Variants in KCNAB1 observed in about 807,000 individuals in gnomAD.
The protein encoded by KCNAB1 is potassium voltage-gated channel subfamily A regulatory beta subunit 1.
A neutral mutation model predicts 64.6 loss-of-function variants in KCNAB1; 35 were observed. The observed-to-expected ratio is 0.54, with a 90% confidence interval of 0.41 to 0.72. KCNAB1 has a LOEUF of 0.72. Among genes scored for constraint, KCNAB1 ranks in the 30% least tolerant of loss-of-function variants. The pLI, the probability that KCNAB1 is intolerant of heterozygous loss-of-function variation, is 0.00. For synonymous variants in KCNAB1, 177 were observed against 183.8 expected (o/e 0.96, Z 0.30); for missense variants, 401 against 512.9 (o/e 0.78, Z 2.11).
At chr3:156,498,163 A>G (rs1716132667) in intron 8 of KCNAB1, among the ~76,000 whole-genome samples, 1 of 152,174 alleles carries the variant, frequency 6.6e-6, no homozygotes, top group South Asian at 2.1e-4. Flanking sequence ...AGTGCCCCCA[A>G]AGAAACCAGC....
intron 1 of KCNAB1, among the ~76,000 whole-genome samples, chr3:156,379,383 T>G (rs1277587400): frequency 6.6e-6 from 1 of 152,204 alleles, no homozygotes; most frequent in African/African-American, 2.4e-5. Flanking sequence ...TGTTAAGTGC[T>G]ATACATAAAG....
At chr3:156,484,911 A>G (rs550587887) in intron 8 of KCNAB1, among the ~76,000 whole-genome samples, 1 of 152,258 alleles carries the variant, frequency 6.6e-6, no homozygotes, top group African/African-American at 2.4e-5. Context: ...TCTTAGGTAT[A>G]TAAACTTGGC....
chr3:156,346,629 G>C (rs1006258885), intron 1 of KCNAB1, among the ~76,000 whole-genome samples: 4 of 152,156 alleles, frequency 2.6e-5, no homozygotes, highest in Non-Finnish European at 5.9e-5. Context: ...TAAAAAACAA[G>C]TATCATAAGC....
chr3:156,299,696 A>C (rs1054886489), intron 1 of KCNAB1, among the ~76,000 whole-genome samples: 2 of 152,194 alleles, frequency 1.3e-5, no homozygotes, highest in African/African-American at 4.8e-5. Flanking sequence ...ATTGGAAACC[A>C]AAACAGAAGC....
chr3:156,379,852 C>T (rs781508510), intron 1 of KCNAB1, among the ~76,000 whole-genome samples: 7 of 152,100 alleles, frequency 4.6e-5, no homozygotes, highest in Admixed American at 6.5e-5. Context: ...GAGGTGGTGG[C>T]AGTAGAAGTG....
At chr3:156,515,677 G>A (rs1016571470) in intron 10 of KCNAB1, among the ~76,000 whole-genome samples, 1 of 152,142 alleles carries the variant, frequency 6.6e-6, no homozygotes, top group South Asian at 2.1e-4. Context: ...ATACATTTGT[G>A]CAGATAGAAC....
intron 1 of KCNAB1, among the ~76,000 whole-genome samples, chr3:156,239,891 G>T (rs1040682900): frequency 5.9e-5 from 9 of 151,950 alleles, no homozygotes; most frequent in African/African-American, 2.2e-4. Flanking sequence ...CTTAGAAAAG[G>T]GATTAAAAAC....
At chr3:156,326,047 G>A (rs1209282034) in intron 1 of KCNAB1, among the ~76,000 whole-genome samples, 1 of 152,100 alleles carries the variant, frequency 6.6e-6, no homozygotes, top group Non-Finnish European at 1.5e-5. Context: ...GGCAGCTCTA[G>A]AAACTTCAGA....
At chr3:156,492,420 C>A (rs954081091) in intron 8 of KCNAB1, among the ~76,000 whole-genome samples, 2 of 152,048 alleles carry the variant, frequency 1.3e-5, no homozygotes, top group African/African-American at 4.8e-5. Context: ...AAGCTGGCAG[C>A]TTTCATTCCA....
At chr3:156,198,373 A>G (rs1714095153) in intron 1 of KCNAB1, among the ~76,000 whole-genome samples, 1 of 152,106 alleles carries the variant, frequency 6.6e-6, no homozygotes, top group Non-Finnish European at 1.5e-5. Context: ...GATCTGTCCA[A>G]TATTGACAGT....
At chr3:156,366,966 G>A (rs902471095) in intron 1 of KCNAB1, among the ~76,000 whole-genome samples, 6 of 152,118 alleles carry the variant, frequency 3.9e-5, no homozygotes, top group African/African-American at 1.4e-4. Flanking sequence ...ACCTGGTCCC[G>A]GGACTATTGC....
At chr3:156,327,483 T>A (rs1723039689) in intron 1 of KCNAB1, among the ~76,000 whole-genome samples, 1 of 152,178 alleles carries the variant, frequency 6.6e-6, no homozygotes, top group South Asian at 2.1e-4. Context: ...AAGTTAGATA[T>A]ACCATTAATT....
upstream of KCNAB1, among the ~76,000 whole-genome samples, chr3:156,120,320 C>A (rs948984762): frequency 6.6e-6 from 1 of 152,152 alleles, no homozygotes; most frequent in Non-Finnish European, 1.5e-5. Flanking sequence ...CCTAACTTTG[C>A]GGAAGAAACA....
intron 1 of KCNAB1, among the ~76,000 whole-genome samples, chr3:156,282,873 A>G (rs1422465995): frequency 2.0e-5 from 3 of 151,418 alleles, no homozygotes; most frequent in African/African-American, 7.3e-5. Context: ...TGCACGTGAG[A>G]TGGGTTTCCT....
chr3:156,536,563 T>G, intron 13 of KCNAB1, 95 bp from the exon 14 acceptor site: 1 of 839,108 alleles, frequency 1.2e-6, no homozygotes, highest in Non-Finnish European at 2.1e-6. Flanking sequence ...TATGAAGATA[T>G]ATGATTCTAG....
intron 6 of KCNAB1, 140 bp from the exon 7 acceptor site, chr3:156,465,503 A>C: frequency 1.5e-6 from 1 of 670,546 alleles, no homozygotes; most frequent in South Asian, 1.8e-5. Context: ...GTTGCCCACC[A>C]GACTTCTCTC....
chr3:156,239,584 C>T (rs1000620466), intron 1 of KCNAB1, among the ~76,000 whole-genome samples: 14 of 152,300 alleles, frequency 9.2e-5, no homozygotes, highest in South Asian at 2.1e-4. Context: ...TGGCTTTCAG[C>T]GCTGGGGCCT....
At chr3:156,351,235 G>A (rs541034786) in intron 1 of KCNAB1, among the ~76,000 whole-genome samples, 27 of 152,360 alleles carry the variant, frequency 1.8e-4, no homozygotes, top group African/African-American at 6.3e-4. Context: ...GGGCAGGTAA[G>A]CAAAGAAATC....
chr3:156,286,536 G>C (rs184426476), intron 1 of KCNAB1, among the ~76,000 whole-genome samples: 93 of 152,292 alleles, frequency 6.1e-4, no homozygotes, highest in Admixed American at 5.4e-3. Context: ...GTTTGGTTCT[G>C]ACTTTACTGG....
Sources: allele counts gnomAD v4.1 joint callset (sites outside exome capture counted in the v4.1 genomes callset), GRCh38; gene constraint gnomAD v4.1.1; transcripts MANE v1.5; gene names NCBI Gene and HGNC (gene_info 2026-07-23, HGNC 2026-07-21).